The following GNAQ variants were observed in gnomAD, a reference collection of about 807,000 sequenced individuals.
GNAQ encodes the protein G protein subunit alpha q, also known as guanine nucleotide-binding protein G(q) subunit alpha.
GNAQ carries 8 observed loss-of-function variants against 43.9 expected under a neutral mutation model. The ratio of observed to expected loss-of-function variants is 0.18; its 90% CI spans 0.11 to 0.33. GNAQ has a LOEUF of 0.33. Among genes scored for constraint, GNAQ ranks in the 10% least tolerant of loss-of-function variants. The probability of loss-of-function intolerance (pLI) is 1.00; values close to 1 mark genes in which losing one functional copy is unlikely to be tolerated. For missense variants in GNAQ, 158 were observed against 450.8 expected (o/e 0.35, Z 5.88); for synonymous variants, 155 against 170.7 (o/e 0.91, Z 0.71).
intron 2 of GNAQ, among the ~76,000 whole-genome samples, chr9:77,879,587 C>G (rs548543858): frequency 6.6e-6 from 1 of 152,238 alleles, no homozygotes; most frequent in African/African-American, 2.4e-5. Flanking sequence ...TGAGTAATAT[C>G]TGTCCAGACT....
Position 77,759,894 on chromosome 9 carries a change from T to TTTTCTTTC in GNAQ, c.736-31235_736-31228dup, listed in dbSNP as rs146992217. Among the ~76,000 whole-genome samples the TTTTCTTTC allele has an allele frequency of 3.7e-4, 54 of 147,224 alleles. 1 individual carries two copies. The highest frequency in any genetic ancestry group is 1.3e-3 in the African/African-American group (51 of 39,828). ...TTCTTCTACCTTTTTCTCTCTCTTT[T>TTTTCTTTC]TTTCTTTCTTTCTTTTTTTTCTTTT... is the stretch of plus-strand genomic sequence containing the variant. On this transcript the variant is annotated intron_variant, in intron 5 of 6. Coordinates refer to ENST00000286548, the MANE Select transcript of GNAQ (RefSeq NM_002072.5).
At chr9:77,903,186 T>TA (rs1828639933) in intron 2 of GNAQ, among the ~76,000 whole-genome samples, 1 of 152,020 alleles carries the variant, frequency 6.6e-6, no homozygotes, top group African/African-American at 2.4e-5. Flanking sequence ...GCAGACTAGA[T>TA]AAACAAGATT....
At chr9:78,002,663 T>C (rs1823658342) in intron 1 of GNAQ, among the ~76,000 whole-genome samples, 2 of 152,170 alleles carry the variant, frequency 1.3e-5, no homozygotes, top group East Asian at 3.8e-4. Context: ...AATTTCTACA[T>C]CTGACAGGGA....
At chr9:77,966,181 G>C (rs188780385) in intron 1 of GNAQ, among the ~76,000 whole-genome samples, 1 of 152,028 alleles carries the variant, frequency 6.6e-6, no homozygotes, top group African/African-American at 2.4e-5. Context: ...AGGTGGGAGG[G>C]AGGATAAAAA....
At chr9:77,901,492 A>C in intron 2 of GNAQ, among the ~76,000 whole-genome samples, 1 of 152,186 alleles carries the variant, frequency 6.6e-6, no homozygotes, top group East Asian at 1.9e-4. Context: ...CAAGAGCAGT[A>C]CAGATACCAT....
intron 1 of GNAQ, among the ~76,000 whole-genome samples, chr9:77,983,388 A>C (rs1823393058): frequency 6.6e-6 from 1 of 152,094 alleles, no homozygotes; most frequent in Admixed American, 6.6e-5. Context: ...ATTCCCTCCC[A>C]AATTCCTCCA....
intron 2 of GNAQ, among the ~76,000 whole-genome samples, chr9:77,858,400 A>G (rs1233261517): frequency 1.3e-5 from 2 of 152,136 alleles, no homozygotes; most frequent in Non-Finnish European, 2.9e-5. Context: ...TGCCCCAATC[A>G]GCCCCCCTCA....
intron 1 of GNAQ, among the ~76,000 whole-genome samples, chr9:77,940,927 G>A (rs551720484): frequency 3.3e-5 from 5 of 151,380 alleles, no homozygotes; most frequent in African/African-American, 1.2e-4. Context: ...TCACACCACT[G>A]CACTCCAGCC....
chr9:77,731,924 A>G (rs1275701536), intron 5 of GNAQ, among the ~76,000 whole-genome samples: 2 of 152,204 alleles, frequency 1.3e-5, no homozygotes, highest in Non-Finnish European at 2.9e-5. Context: ...GCTATGCTAT[A>G]TGATGTTTTC....
chr9:77,890,707 G>T (rs918559360), intron 2 of GNAQ, among the ~76,000 whole-genome samples: 9 of 152,190 alleles, frequency 5.9e-5, no homozygotes, highest in Non-Finnish European at 1.2e-4. Context: ...TGGGCAACAA[G>T]AGTGAAACTC....
intron 5 of GNAQ, among the ~76,000 whole-genome samples, chr9:77,770,574 A>T (rs1587908838): frequency 6.6e-6 from 1 of 152,352 alleles, no homozygotes; most frequent in East Asian, 1.9e-4. Context: ...CTCTACTTCT[A>T]TGTGAACTAG....
chr9:77,765,463 G>C (rs1826120447), intron 5 of GNAQ, among the ~76,000 whole-genome samples: 1 of 152,146 alleles, frequency 6.6e-6, no homozygotes, highest in Non-Finnish European at 1.5e-5. Context: ...CAAAGGACAT[G>C]AATAGACATT....
At chr9:77,936,737 G>T (rs535112315) in intron 1 of GNAQ, among the ~76,000 whole-genome samples, 1 of 152,242 alleles carries the variant, frequency 6.6e-6, no homozygotes, top group East Asian at 1.9e-4. Context: ...CATGAGTTGG[G>T]GCAGGGCTTC....
At position 77,749,086 on chromosome 9, in the gene GNAQ, T is replaced by C. The variant is rs576480956; in HGVS notation, c.736-20419A>G. On this transcript the variant is annotated intron_variant, in intron 5 of 6. Coordinates refer to ENST00000286548, the MANE Select transcript of GNAQ (RefSeq NM_002072.5). ...GCTCTAGACCTACCTCCCTGCCCCA[T>C]GTTCTCGACCTTAGCATTTGGGAAG... Among the ~76,000 whole-genome samples the C allele has an allele frequency of 3.3e-5, 5 of 152,338 alleles. No homozygotes were observed. In the East Asian group the frequency reaches 7.7e-4, roughly 23 times the overall value.
intron 3 of GNAQ, among the ~76,000 whole-genome samples, chr9:77,806,093 T>C (rs1410216757): frequency 6.6e-6 from 1 of 152,010 alleles, no homozygotes; most frequent in Non-Finnish European, 1.5e-5. Context: ...CTCCAAAAAA[T>C]AAATCAACTT....
chr9:77,872,591 CA>C (rs1227871063), intron 2 of GNAQ, among the ~76,000 whole-genome samples: 1 of 152,062 alleles, frequency 6.6e-6, no homozygotes, highest in Non-Finnish European at 1.5e-5. Flanking sequence ...GAATACAAAG[CA>C]GATTTTAACA....
At chr9:77,904,190 C>T (rs181463161) in intron 2 of GNAQ, among the ~76,000 whole-genome samples, 1 of 152,208 alleles carries the variant, frequency 6.6e-6, no homozygotes, top group African/African-American at 2.4e-5. Flanking sequence ...TAAGCTTGCT[C>T]TCTTGTACCA....
intron 2 of GNAQ, among the ~76,000 whole-genome samples, chr9:77,817,753 T>C (rs1052245897): frequency 3.9e-5 from 6 of 152,032 alleles, no homozygotes; most frequent in African/African-American, 1.4e-4. Flanking sequence ...TAACTGAGAA[T>C]ATAGAACAGA....
intron 1 of GNAQ, among the ~76,000 whole-genome samples, chr9:77,964,057 T>C (rs1461301443): frequency 6.6e-6 from 1 of 152,198 alleles, no homozygotes; most frequent in Non-Finnish European, 1.5e-5. Context: ...GGGGCTTATG[T>C]TGGGAAATGA....
Sources: gnomAD v4.1 joint callset for allele counts (sites outside exome capture counted in the v4.1 genomes callset) on GRCh38, gnomAD v4.1.1 for gene constraint, MANE v1.5 for transcripts, NCBI Gene and HGNC (gene_info 2026-07-23, HGNC 2026-07-21) for gene names.